RNF141: variants seen among roughly 807,000 people sequenced by gnomAD.
RNF141 encodes the protein C3HC4-like zinc finger protein.
RNF141 carries 18 observed loss-of-function variants against 27.4 expected under a neutral mutation model. That is an observed-to-expected ratio of 0.66 (90% CI 0.45 to 0.97). RNF141 has a LOEUF of 0.97. Ranked by LOEUF, RNF141 falls within the 50% of genes least tolerant of loss-of-function variation. The pLI, the probability that RNF141 is intolerant of heterozygous loss-of-function variation, is 0.00. For missense variants in RNF141, 230 were observed against 279.4 expected (o/e 0.82, Z 1.26); for synonymous variants, 97 against 96.6 (o/e 1.00, Z -0.02).
chr11:10,518,784 A>C (rs1993818), intron 5 of RNF141: 174,147 of 359,158 alleles, frequency 0.48, 44,645 homozygotes, highest in East Asian at 0.61. Context: ...TTTTAGACTT[A>C]AGTCAGGCAC....
In RNF141 at chr11:10,513,208, A is replaced by G. The variant is rs1486706798; in HGVS notation, c.*1708T>C. The G allele has an allele frequency of 2.0e-5, 3 of 152,192 alleles. No homozygotes were observed. 9.4% of individuals were successfully genotyped at this position (152,192 alleles called of 1,614,324 possible). A position where few individuals can be genotyped will look rare whatever the true frequency, so the allele number is the denominator to read the frequency against. ...CTTAGCTGTCCCATTATGAATGTCAATGGATTAGTCTTCAGTATTTTTGGG... is the reference window on the plus strand; with the variant it reads ...CTTAGCTGTCCCATTATGAATGTCAGTGGATTAGTCTTCAGTATTTTTGGG... On this transcript the variant is annotated 3_prime_UTR_variant, in exon 6 of 6. Coordinates refer to ENST00000265981, the MANE Select transcript of RNF141 (RefSeq NM_016422.4).
In RNF141 at chr11:10,519,116, C is replaced by A. The variant is rs377654959; in HGVS notation, c.460G>T (p.Glu154Ter). The A allele has an allele frequency of 6.2e-7, 1 of 1,613,832 alleles. No individual in the cohort carries two copies. Among genetic ancestry groups the A allele is most frequent in the African/African-American group, 1.3e-5 (1 of 74,908 alleles). The stretch of plus-strand genomic sequence containing the variant: ...CGCCCATCCATACAGATACAACACT[C>A]CTCCTCATCGGTCAGCTGCTTCACC... ...GRVKQLTDEEECCICMDGRAD... is the reference protein window; with the variant it reads ...GRVKQLTDEE Residue 154 changes from glutamate (E) to a stop codon, truncating the protein, a stop_gained, in exon 5 of 6, where the codon GAG (glutamate) becomes TAG (stop). Transcript: ENST00000265981. LOFTEE classifies it high-confidence loss of function.
Position 10,519,017 on chromosome 11 carries a change from T to A in RNF141, c.542+17A>T, listed in dbSNP as rs778999368. 59 of 1,601,882 alleles carry A rather than the reference T, an allele frequency of 3.7e-5. No individual in the cohort carries two copies. Among genetic ancestry groups the A allele is most frequent in the Non-Finnish European group, 4.9e-5 (57 of 1,169,186 alleles). On this transcript the variant is annotated intron_variant, in intron 5 of 5. Transcript: ENST00000265981. ...CACTGACCTTGGCCCAGCCCATGAA[T>A]GCAGTAGGTAACTTACCATTTATCA...
chr11:10,540,258 G>C (rs1564870507), intron 1 of RNF141, among the ~76,000 whole-genome samples: 1 of 152,148 alleles, frequency 6.6e-6, no homozygotes, highest in African/African-American at 2.4e-5. Flanking sequence ...ACAATTGAAA[G>C]TGTTCCAGCA....
At chr11:10,534,613 T>C (rs1850018021) in intron 1 of RNF141, among the ~76,000 whole-genome samples, 2 of 152,170 alleles carry the variant, frequency 1.3e-5, no homozygotes, top group African/African-American at 4.8e-5. Context: ...TTTCCGTATA[T>C]TATGTCAATT....
intron 3 of RNF141, among the ~76,000 whole-genome samples, chr11:10,529,213 G>A (rs1273175412): frequency 6.6e-6 from 1 of 152,220 alleles, no homozygotes; most frequent in African/African-American, 2.4e-5. Context: ...CCCTCTGTCA[G>A]TGTAGGTGTA....
chr11:10,540,166 G>C (rs1316812913), intron 1 of RNF141, among the ~76,000 whole-genome samples: 1 of 152,090 alleles, frequency 6.6e-6, no homozygotes, highest in Non-Finnish European at 1.5e-5. Flanking sequence ...TTCTGAATGG[G>C]TAGAGGTCAT....
chr11:10,515,194 C>A, intron 5 of RNF141, 128 bp from the exon 6 acceptor site: 2 of 1,010,620 alleles, frequency 2.0e-6, no homozygotes. Flanking sequence ...AAAAATAAAT[C>A]CCTCCCTCCT....
At chr11:10,524,686 C>G (rs990087471) in intron 4 of RNF141, among the ~76,000 whole-genome samples, 1 of 152,200 alleles carries the variant, frequency 6.6e-6, no homozygotes, top group Non-Finnish European at 1.5e-5. Flanking sequence ...CAAACATCAT[C>G]AGAGAAAACT....
intron 4 of RNF141, among the ~76,000 whole-genome samples, chr11:10,519,728 CAG>C (rs906331168): frequency 8.6e-5 from 13 of 152,040 alleles, no homozygotes; most frequent in Admixed American, 2.6e-4. Flanking sequence ...TATCTGAACA[CAG>C]AGAAGGTACT....
At chr11:10,517,944 G>A (rs1183127544) in intron 5 of RNF141, among the ~76,000 whole-genome samples, 1 of 152,002 alleles carries the variant, frequency 6.6e-6, no homozygotes, top group Non-Finnish European at 1.5e-5. Context: ...ATTTAAAATA[G>A]CATAAAACTA....
rs528840126 is a variant in RNF141 at position 10,512,757 on chromosome 11, A to C, written c.*2159T>G. 127 of 151,824 alleles carry C rather than the reference A, an allele frequency of 8.4e-4. No homozygotes were observed. The highest frequency in any genetic ancestry group is 2.9e-3 in the African/African-American group (122 of 41,436). 9.4% of individuals were successfully genotyped at this position (151,824 alleles called of 1,614,324 possible). ...GGTTCTGCAAATTTGACTTGAATTT[A>C]ATTAAAAAATTTTTTTAAAAAAAAC... On this transcript the variant is annotated 3_prime_UTR_variant, in exon 6 of 6. Transcript: ENST00000265981.
Position 10,527,828 on chromosome 11 carries a change from G to A in RNF141, c.253-2455C>T, listed in dbSNP as rs115378378. Among the ~76,000 whole-genome samples the A allele has an allele frequency of 8.6e-3, 1,314 of 152,178 alleles. 17 individuals are homozygous for A. The highest frequency in any genetic ancestry group is 0.03 in the African/African-American group (1,255 of 41,492). On this transcript the variant is annotated intron_variant, in intron 3 of 5. Coordinates refer to ENST00000265981, the MANE Select transcript of RNF141 (RefSeq NM_016422.4). ...TGGAATAATCCTGGTGATAGAGGATGGTCACTAGGAATAGGGTGGTAGTAG... is the reference window on the plus strand; with the variant it reads ...TGGAATAATCCTGGTGATAGAGGATAGTCACTAGGAATAGGGTGGTAGTAG...
chr11:10,529,917 C>T (rs1477106863), intron 3 of RNF141, among the ~76,000 whole-genome samples: 1 of 152,060 alleles, frequency 6.6e-6, no homozygotes, highest in East Asian at 1.9e-4. Flanking sequence ...CTCCAGGGTC[C>T]GTGACTCAAA....
intron 1 of RNF141, among the ~76,000 whole-genome samples, chr11:10,535,825 A>G (rs1290236773): frequency 3.9e-5 from 6 of 152,256 alleles, no homozygotes; most frequent in African/African-American, 1.4e-4. Context: ...TTTACCAGGT[A>G]TACTACACAT....
At chr11:10,523,412 G>A (rs1258162516) in intron 4 of RNF141, among the ~76,000 whole-genome samples, 1 of 152,152 alleles carries the variant, frequency 6.6e-6, no homozygotes, top group Admixed American at 6.5e-5. Flanking sequence ...GCCGATAATT[G>A]TACTCCCATA....
At position 10,540,684 on chromosome 11, in the gene RNF141, G is replaced by A. The variant is rs1850090628; in HGVS notation, c.-48+438C>T. 4.6e-5 allele frequency: 7 copies of A among 152,382 alleles called. No individual in the cohort carries two copies. In the South Asian group the frequency reaches 1.4e-3, roughly 32 times the overall value. The allele number at this position is 152,382 out of a possible 1,614,324, so 9.4% of individuals were successfully genotyped here. On this transcript the variant is annotated intron_variant, in intron 1 of 5. Transcript: ENST00000265981. ...TCTTATTTGGGTGTCCAGCCCGGCGGAGACCGAGCCCGCGGGCCACCCTAG... is the reference window on the plus strand; with the variant it reads ...TCTTATTTGGGTGTCCAGCCCGGCGAAGACCGAGCCCGCGGGCCACCCTAG...
chr11:10,521,305 G>C (rs953157808), intron 4 of RNF141, among the ~76,000 whole-genome samples: 1 of 152,206 alleles, frequency 6.6e-6, no homozygotes, highest in African/African-American at 2.4e-5. Context: ...ATATTGATTG[G>C]CTGGCCTTTC....
chr11:10,525,050 C>T, intron 4 of RNF141, 142 bp downstream of exon 4: 1 of 584,534 alleles, frequency 1.7e-6, no homozygotes, highest in Non-Finnish European at 2.8e-6. Flanking sequence ...AGAATAACCC[C>T]AAAACTGATC....
Sources: gnomAD v4.1 joint callset for allele counts (sites outside exome capture counted in the v4.1 genomes callset) on GRCh38, gnomAD v4.1.1 for gene constraint, MANE v1.5 for transcripts, NCBI Gene and HGNC (gene_info 2026-07-23, HGNC 2026-07-21) for gene names.